The following TMEM132C variants were observed in gnomAD, a reference collection of about 807,000 sequenced individuals.
The protein encoded by TMEM132C is protein phosphatase 1, regulatory subunit 152.
In TMEM132C, 29 loss-of-function variants were observed where a neutral mutation model predicts 61.4. That is an observed-to-expected ratio of 0.47 (90% CI 0.35 to 0.64). TMEM132C has a LOEUF of 0.64. Ranked by LOEUF, TMEM132C falls within the 30% of genes least tolerant of loss-of-function variation. The pLI, the probability that TMEM132C is intolerant of heterozygous loss-of-function variation, is 0.00. For missense variants in TMEM132C, 1,408 were observed against 1,476.9 expected (o/e 0.95, Z 0.76); for synonymous variants, 656 against 633.1 (o/e 1.04, Z -0.54).
At chr12:128,577,954 G>A (rs372768376) in intron 3 of TMEM132C, among the ~76,000 whole-genome samples, 44 of 152,284 alleles carry the variant, frequency 2.9e-4, no homozygotes, top group African/African-American at 9.6e-4. Context: ...TGCCATATCC[G>A]CAGGTCATTA....
At chr12:128,325,297 A>G (rs953343622) in intron 1 of TMEM132C, among the ~76,000 whole-genome samples, 1 of 152,218 alleles carries the variant, frequency 6.6e-6, no homozygotes, top group Non-Finnish European at 1.5e-5. Context: ...AACAAGGAAA[A>G]CATTAGTGAC....
At chr12:128,366,464 G>A (rs1873876165) in intron 1 of TMEM132C, among the ~76,000 whole-genome samples, 1 of 152,174 alleles carries the variant, frequency 6.6e-6, no homozygotes, top group Non-Finnish European at 1.5e-5. Flanking sequence ...TCAGCTGGAC[G>A]CGGCTTCTTA....
rs1016889390 is a variant in TMEM132C at position 128,344,642 on chromosome 12, C to T, written c.86-70090C>T. ...ATCCTCATCAACACTTGCTATTGCC[C>T]GTCTTTATCTCAGTCATCTTGTTCT... On this transcript the variant is annotated intron_variant, in intron 1 of 8. Coordinates refer to ENST00000435159, the MANE Select transcript of TMEM132C (RefSeq NM_001136103.3). Among the ~76,000 whole-genome samples, 6 of 152,106 alleles carry T rather than the reference C, an allele frequency of 3.9e-5. No individual in the cohort carries two copies. The East Asian group carries it at 5.8e-4, about 15-fold the overall frequency.
intron 3 of TMEM132C, among the ~76,000 whole-genome samples, chr12:128,552,765 GT>G (rs1305576672): frequency 1.3e-5 from 2 of 152,084 alleles, no homozygotes; most frequent in African/African-American, 4.8e-5. Context: ...AAATTAAGCT[GT>G]TCATGGTGGT....
At chr12:128,298,242 G>A (rs1435540495) in intron 1 of TMEM132C, among the ~76,000 whole-genome samples, 1 of 152,126 alleles carries the variant, frequency 6.6e-6, no homozygotes, top group Non-Finnish European at 1.5e-5. Context: ...ATGACCCTCT[G>A]TGGTGGAGCT....
intron 3 of TMEM132C, among the ~76,000 whole-genome samples, chr12:128,557,416 A>G (rs1237924382): frequency 6.6e-6 from 1 of 152,230 alleles, no homozygotes; most frequent in Non-Finnish European, 1.5e-5. Context: ...TTGCCAGACC[A>G]GTAATTAGTT....
intron 2 of TMEM132C, among the ~76,000 whole-genome samples, chr12:128,468,777 G>A (rs1202418434): frequency 6.6e-6 from 1 of 152,132 alleles, no homozygotes; most frequent in Non-Finnish European, 1.5e-5. Flanking sequence ...TTATAATAAT[G>A]TATTTAGTTG....
At chr12:128,503,632 A>G (rs1216660187) in intron 2 of TMEM132C, among the ~76,000 whole-genome samples, 1 of 152,258 alleles carries the variant, frequency 6.6e-6, no homozygotes, top group Non-Finnish European at 1.5e-5. Flanking sequence ...TGGGATAGTT[A>G]CCATGTGCTG....
intron 4 of TMEM132C, among the ~76,000 whole-genome samples, chr12:128,633,344 G>A (rs1433164403): frequency 1.3e-5 from 2 of 152,180 alleles, no homozygotes; most frequent in Non-Finnish European, 2.9e-5. Context: ...TGTGATTACT[G>A]AGGACAGGGA....
At chr12:128,280,492 A>G (rs1454576604) in intron 1 of TMEM132C, among the ~76,000 whole-genome samples, 1 of 152,200 alleles carries the variant, frequency 6.6e-6, no homozygotes. Flanking sequence ...AAAGCATCCT[A>G]ATATCCTTAT....
chr12:128,428,919 A>G (rs1350881193), intron 2 of TMEM132C, among the ~76,000 whole-genome samples: 1 of 152,214 alleles, frequency 6.6e-6, no homozygotes, highest in Non-Finnish European at 1.5e-5. Flanking sequence ...TAAGCACTTA[A>G]TATTAACTCC....
At chr12:128,621,056 G>C (rs1953958858) in intron 4 of TMEM132C, among the ~76,000 whole-genome samples, 1 of 151,982 alleles carries the variant, frequency 6.6e-6, no homozygotes, top group Non-Finnish European at 1.5e-5. Flanking sequence ...ATGGCAGCGG[G>C]GCCTTCTCCC....
intron 2 of TMEM132C, among the ~76,000 whole-genome samples, chr12:128,479,961 A>G (rs953843922): frequency 2.6e-5 from 4 of 152,122 alleles, no homozygotes; most frequent in African/African-American, 7.2e-5. Context: ...TCATGGGGGG[A>G]AAAGTCTCCT....
chr12:128,579,125 A>G (rs958081175), intron 3 of TMEM132C, among the ~76,000 whole-genome samples: 2 of 152,172 alleles, frequency 1.3e-5, no homozygotes, highest in Non-Finnish European at 2.9e-5. Flanking sequence ...TGGAGTGGCC[A>G]GTGGCGCCAT....
intron 1 of TMEM132C, among the ~76,000 whole-genome samples, chr12:128,273,905 C>G (rs1022930834): frequency 6.6e-6 from 1 of 152,108 alleles, no homozygotes; most frequent in African/African-American, 2.4e-5. Context: ...TAAAAATTAT[C>G]TTTATGTCTA....
intron 1 of TMEM132C, among the ~76,000 whole-genome samples, chr12:128,383,840 C>T (rs905602225): frequency 4.6e-5 from 7 of 152,164 alleles, no homozygotes; most frequent in African/African-American, 1.2e-4. Context: ...CAGGAATCCT[C>T]GTAGTGTAGC....
At chr12:128,703,049 C>T (rs1032520707) in intron 8 of TMEM132C, among the ~76,000 whole-genome samples, 1 of 152,206 alleles carries the variant, frequency 6.6e-6, no homozygotes, top group South Asian at 2.1e-4. Context: ...GGGTCCCTAG[C>T]ACAGTGGTCA....
chr12:128,694,028 A>G lies in TMEM132C; in HGVS notation c.1649A>G (p.Asn550Ser). ...GGCTGGAGGGTCCCCATTGTGACCA[A>G]TAAGAGGTGAGCCTCGGATGGGGAG... ...IKGWRVPIVT[N>S]KRPTRESEDE... The change falls in exon 6 of 9, where the codon AAT (asparagine) becomes AGT (serine). Residue 550 changes from asparagine to serine, a missense_variant. Asn to Ser is a conservative substitution (Grantham distance 46, BLOSUM62 1). Transcript: ENST00000435159. The G allele has an allele frequency of 5.2e-6, 8 of 1,551,702 alleles. No individual in the cohort carries two copies. Among genetic ancestry groups the G allele is most frequent in the African/African-American group, 2.7e-5 (2 of 73,178 alleles).
intron 3 of TMEM132C, among the ~76,000 whole-genome samples, chr12:128,604,641 G>GATGGATAGACAGATGAAACAA (rs1876346063): frequency 6.6e-6 from 1 of 151,958 alleles, no homozygotes; most frequent in East Asian, 1.9e-4. Flanking sequence ...ATAGATAATA[G>GATGGATAGACAGATGAAACAA]ATGGATAGAC....
Sources: gnomAD v4.1 joint callset for allele counts (sites outside exome capture counted in the v4.1 genomes callset) on GRCh38, gnomAD v4.1.1 for gene constraint, MANE v1.5 for transcripts, NCBI Gene and HGNC (gene_info 2026-07-23, HGNC 2026-07-21) for gene names.